The following TSHZ2 variants were observed in gnomAD, a reference collection of about 807,000 sequenced individuals.
TSHZ2 encodes teashirt zinc finger homeobox 2.
A neutral mutation model predicts 74.4 loss-of-function variants in TSHZ2; 21 were observed. The observed-to-expected ratio is 0.28, with a 90% confidence interval of 0.20 to 0.41. The LOEUF (loss-of-function observed/expected upper bound fraction) is 0.41. TSHZ2 is among the 10% of genes least tolerant of loss of function. The pLI is 1.00. For missense variants in TSHZ2, 1,244 were observed against 1,293.5 expected, an observed-to-expected ratio of 0.96 and a Z score of 0.59; for synonymous variants, 540 against 515.3, an observed-to-expected ratio of 1.05 and a Z score of -0.65.
At chr20:53,362,894 A>C (rs1362759942) in intron 2 of TSHZ2, among the ~76,000 whole-genome samples, 2 of 152,080 alleles carry the variant, frequency 1.3e-5, no homozygotes, top group African/African-American at 4.8e-5. Flanking sequence ...TCCTCTGAAC[A>C]CTCATCTCCA....
chr20:53,124,830 G>C (rs570693287), intron 1 of TSHZ2, among the ~76,000 whole-genome samples: 1 of 152,320 alleles, frequency 6.6e-6, no homozygotes, highest in African/African-American at 2.4e-5. Flanking sequence ...GACACAGCCA[G>C]GGAGTGGGCA....
intron 1 of TSHZ2, among the ~76,000 whole-genome samples, chr20:53,182,440 T>C (rs769636094): frequency 2.4e-4 from 37 of 152,366 alleles, no homozygotes; most frequent in Admixed American, 4.6e-4. Flanking sequence ...TATCCAGTCA[T>C]GAGCCACCTC....
chr20:53,045,237 C>T (rs542100446), intron 1 of TSHZ2, among the ~76,000 whole-genome samples: 3 of 152,296 alleles, frequency 2.0e-5, no homozygotes, highest in African/African-American at 4.8e-5. Context: ...GCGGGTCATA[C>T]GCTGACTCTC....
At chr20:53,220,790 A>T (rs1475230831) in intron 1 of TSHZ2, among the ~76,000 whole-genome samples, 2 of 151,832 alleles carry the variant, frequency 1.3e-5, no homozygotes, top group Non-Finnish European at 2.9e-5. Context: ...GGAATCAAAA[A>T]CTCAAATGAT....
At chr20:53,207,311 AGTT>A (rs773143800) in intron 1 of TSHZ2, among the ~76,000 whole-genome samples, 63 of 152,052 alleles carry the variant, frequency 4.1e-4, no homozygotes, top group East Asian at 1.4e-3. Context: ...CACAGAGGGG[AGTT>A]GTTGTTTTTT....
At chr20:53,184,765 G>A (rs1341964203) in intron 1 of TSHZ2, among the ~76,000 whole-genome samples, 1 of 152,140 alleles carries the variant, frequency 6.6e-6, no homozygotes, top group African/African-American at 2.4e-5. Flanking sequence ...CTGGAGTGCA[G>A]TGGCACAGTC....
chr20:53,137,753 C>A (rs1463738064), intron 1 of TSHZ2, among the ~76,000 whole-genome samples: 1 of 152,150 alleles, frequency 6.6e-6, no homozygotes, highest in Non-Finnish European at 1.5e-5. Context: ...ACAGGAGCAT[C>A]TTTGTAAAGC....
intron 1 of TSHZ2, among the ~76,000 whole-genome samples, chr20:53,121,884 C>G (rs1242833265): frequency 6.6e-6 from 1 of 151,996 alleles, no homozygotes; most frequent in East Asian, 1.9e-4. Flanking sequence ...AGCAAGTGAT[C>G]TATTGGAAAT....
At chr20:53,260,492 A>G (rs1027681087) in intron 2 of TSHZ2, among the ~76,000 whole-genome samples, 13 of 152,200 alleles carry the variant, frequency 8.5e-5, no homozygotes, top group African/African-American at 3.1e-4. Context: ...GTGGCAGACA[A>G]ATAGATGAAA....
chr20:53,453,437 T>A lies in TSHZ2; in HGVS notation c.*9-33707T>A, dbSNP rs371110403. On this transcript the variant is annotated intron_variant, in intron 2 of 2. Coordinates refer to ENST00000371497, the MANE Select transcript of TSHZ2 (RefSeq NM_173485.6). ...TATAGAAACAACAACAAATTAAATG[T>A]TTACCTTTCTCTTTCCTAGCTTGGG... 1.3e-3 allele frequency among the ~76,000 whole-genome samples: 202 copies of A among 152,320 alleles called. 1 individual carries two copies. The highest frequency in any genetic ancestry group is 4.3e-3 in the African/African-American group (179 of 41,568).
intron 2 of TSHZ2, among the ~76,000 whole-genome samples, chr20:53,319,647 C>A (rs1362778640): frequency 6.6e-6 from 1 of 152,230 alleles, no homozygotes; most frequent in Non-Finnish European, 1.5e-5. Flanking sequence ...TGGAGCAAAG[C>A]AGAGGGGACG....
chr20:53,097,448 T>C (rs1370174043), intron 1 of TSHZ2, among the ~76,000 whole-genome samples: 2 of 152,162 alleles, frequency 1.3e-5, no homozygotes, highest in Non-Finnish European at 1.5e-5. Flanking sequence ...TCCTTTGGCC[T>C]TTATGTCTCA....
intron 1 of TSHZ2, among the ~76,000 whole-genome samples, chr20:53,122,013 G>A (rs751597891): frequency 3.3e-5 from 5 of 152,152 alleles, no homozygotes; most frequent in African/African-American, 4.8e-5. Context: ...CTGGCTGGGC[G>A]TGGTGGCTTA....
In TSHZ2 at chr20:53,340,338, T is replaced by C. The variant is rs893217380; in HGVS notation, c.*8+83767T>C. 9.2e-5 allele frequency among the ~76,000 whole-genome samples: 14 copies of C among 152,092 alleles called. No homozygotes were observed. The East Asian group carries it at 1.2e-3, about 13-fold the overall frequency. On this transcript the variant is annotated intron_variant, in intron 2 of 2. Coordinates refer to ENST00000371497, the MANE Select transcript of TSHZ2 (RefSeq NM_173485.6). ...CTGGGACTACAGGCGCCCGCCACCATGCCCAGCTAATTTTTTGTATATTTT... is the reference window on the plus strand; with the variant it reads ...CTGGGACTACAGGCGCCCGCCACCACGCCCAGCTAATTTTTTGTATATTTT...
chr20:53,196,879 T>G (rs1318582387), intron 1 of TSHZ2, among the ~76,000 whole-genome samples: 1 of 152,268 alleles, frequency 6.6e-6, no homozygotes, highest in African/African-American at 2.4e-5. Flanking sequence ...GCATACACAT[T>G]AATCCACTGG....
chr20:53,229,979 AAAAG>A (rs1170407325), intron 1 of TSHZ2, among the ~76,000 whole-genome samples: 22 of 150,290 alleles, frequency 1.5e-4, no homozygotes, highest in African/African-American at 4.9e-4. Flanking sequence ...GAAGAGAAAG[AAAAG>A]AAAGAGGAAG....
chr20:53,400,375 G>C (rs755282912), intron 2 of TSHZ2: 1 of 152,286 alleles, frequency 6.6e-6, no homozygotes, highest in Non-Finnish European at 1.5e-5. Flanking sequence ...TTCCGACACA[G>C]AAACGCAGCA....
intron 1 of TSHZ2, among the ~76,000 whole-genome samples, chr20:53,036,572 GTA>G (rs967987006): frequency 6.7e-6 from 1 of 149,288 alleles, no homozygotes; most frequent in Non-Finnish European, 1.5e-5. Flanking sequence ...GTTTTAAAAA[GTA>G]AAAATGTATT....
At chr20:53,106,904 G>A (rs1248980694) in intron 1 of TSHZ2, among the ~76,000 whole-genome samples, 2 of 150,758 alleles carry the variant, frequency 1.3e-5, no homozygotes, top group Non-Finnish European at 3.0e-5. Flanking sequence ...CACCTTATTG[G>A]CCGGGGTGAT....
Sources: allele counts gnomAD v4.1 joint callset (sites outside exome capture counted in the v4.1 genomes callset), GRCh38; gene constraint gnomAD v4.1.1; transcripts MANE v1.5; gene names NCBI Gene and HGNC (gene_info 2026-07-23, HGNC 2026-07-21).